The following MYT1L variants were observed in gnomAD, a reference collection of about 807,000 sequenced individuals.
The protein encoded by MYT1L is myelin transcription factor 1-like protein.
MYT1L carries 12 observed loss-of-function variants against 126.7 expected under a neutral mutation model. The observed-to-expected ratio is 0.09, with a 90% CI of 0.06 to 0.15. The LOEUF is 0.15. Among genes scored for constraint, MYT1L ranks in the 10% least tolerant of loss-of-function variants. The pLI is 1.00. For synonymous variants in MYT1L, 541 were observed against 604.2 expected, an observed-to-expected ratio of 0.90 and a Z score of 1.53; for missense variants, 979 against 1,585.2, an observed-to-expected ratio of 0.62 and a Z score of 6.49.
rs557027647 is a variant in MYT1L at position 2,129,775 on chromosome 2, G to A, written c.-304+43097C>T. Reference sequence around the variant, plus strand: ...CAAAAAATTAGCCAGGTGTGGTGGCGGGCGCCTGTAGTCCCAGCTACTCGG... The same window carrying A: ...CAAAAAATTAGCCAGGTGTGGTGGCAGGCGCCTGTAGTCCCAGCTACTCGG... On this transcript the variant is annotated intron_variant, in intron 3 of 24. Transcript: ENST00000647738. Among the ~76,000 whole-genome samples, 11 of 152,034 alleles carry A rather than the reference G, an allele frequency of 7.2e-5. No homozygotes were observed. In the South Asian group the frequency reaches 8.3e-4, roughly 11 times the overall value.
At chr2:2,226,213 C>G (rs938398595) in intron 2 of MYT1L, among the ~76,000 whole-genome samples, 1 of 152,166 alleles carries the variant, frequency 6.6e-6, no homozygotes, top group Non-Finnish European at 1.5e-5. Flanking sequence ...CCTAGTTGTG[C>G]GGCCTGCCAG....
rs1331914434 is a variant in MYT1L at position 1,889,862 on chromosome 2, A to T, written c.2284-385T>A. Among the ~76,000 whole-genome samples, 1 of 152,148 alleles carries T rather than the reference A, an allele frequency of 6.6e-6. No homozygotes were observed. Among genetic ancestry groups the T allele is most frequent in the African/African-American group, 2.4e-5 (1 of 41,420 alleles). Reference sequence around the variant, plus strand: ...AATTTTAATTTTATTACCGTTGCAAATACCTAAGAGATAAAAATTTTGTGT... The same window carrying T: ...AATTTTAATTTTATTACCGTTGCAATTACCTAAGAGATAAAAATTTTGTGT... On this transcript the variant is annotated intron_variant, in intron 15 of 24. Coordinates refer to ENST00000647738, the MANE Select transcript of MYT1L (RefSeq NM_001303052.2). This position sits in a 1 kb window ranked among gnomAD's most constrained non-coding sequence, Gnocchi z 4.1.
At chr2:2,322,365 G>A (rs1391915193) in intron 1 of MYT1L, among the ~76,000 whole-genome samples, 2 of 152,014 alleles carry the variant, frequency 1.3e-5, no homozygotes, top group African/African-American at 4.8e-5. Flanking sequence ...TGCCATGAAA[G>A]GCTGCTTTTC....
intron 9 of MYT1L, among the ~76,000 whole-genome samples, chr2:1,941,913 G>A (rs1431466932): frequency 6.6e-6 from 1 of 152,100 alleles, no homozygotes; most frequent in Admixed American, 6.5e-5. Flanking sequence ...AAGGAGGAGT[G>A]GTAATTTAAG....
At position 2,076,863 on chromosome 2, in the gene MYT1L, C is replaced by T. The variant is rs1478771983; in HGVS notation, c.-303-22740G>A. 2.6e-5 allele frequency among the ~76,000 whole-genome samples: 4 copies of T among 152,052 alleles called. No individual in the cohort carries two copies. The East Asian group carries it at 7.7e-4, about 29-fold the overall frequency. ...AACTGAAAATGTCCCTGAAAGGGCTCAGATTTGGGACTTGGTGAAGACTTT... is the reference window on the plus strand; with the variant it reads ...AACTGAAAATGTCCCTGAAAGGGCTTAGATTTGGGACTTGGTGAAGACTTT... On this transcript the variant is annotated intron_variant, in intron 3 of 24. Transcript: ENST00000647738.
At chr2:1,881,074 G>A (rs1416725016) in intron 18 of MYT1L, among the ~76,000 whole-genome samples, 2 of 152,196 alleles carry the variant, frequency 1.3e-5, no homozygotes, top group Non-Finnish European at 2.9e-5. Context: ...GTTAAAAGAA[G>A]TCAGATTCAG....
At chr2:2,290,800 A>T (rs1299311819) in intron 1 of MYT1L, among the ~76,000 whole-genome samples, 1 of 152,052 alleles carries the variant, frequency 6.6e-6, no homozygotes. Flanking sequence ...AGGCATCAGT[A>T]TTTTTTTTAA....
chr2:1,817,106 T>G (rs530994376), intron 21 of MYT1L: 35 of 152,380 alleles, frequency 2.3e-4, no homozygotes, highest in African/African-American at 8.4e-4. Context: ...AAGGCCCATT[T>G]TCTCATGACT....
chr2:1,804,120 GT>G (rs746564159), intron 22 of MYT1L, among the ~76,000 whole-genome samples: 3 of 152,022 alleles, frequency 2.0e-5, no homozygotes, highest in Non-Finnish European at 2.9e-5. Flanking sequence ...TTTTTTTGTT[GT>G]TGTTGTTTGT....
intron 4 of MYT1L, among the ~76,000 whole-genome samples, chr2:2,021,359 A>G (rs2065011663): frequency 6.6e-6 from 1 of 152,176 alleles, no homozygotes; most frequent in Non-Finnish European, 1.5e-5. Flanking sequence ...GTCCAGGCTG[A>G]TTTCTAGCAG....
chr2:1,830,871 C>G (rs1572645877), intron 21 of MYT1L, among the ~76,000 whole-genome samples: 1 of 152,302 alleles, frequency 6.6e-6, no homozygotes, highest in African/African-American at 2.4e-5. Context: ...TCCACAGCCC[C>G]TTGGTGGCTG....
rs114018403 is a variant in MYT1L at position 2,115,295 on chromosome 2, T to C, written c.-304+57577A>G. Among the ~76,000 whole-genome samples the C allele has an allele frequency of 4.9e-3, 747 of 152,352 alleles. 5 individuals are homozygous for C. The highest frequency in any genetic ancestry group is 0.017 in the African/African-American group (722 of 41,588). On this transcript the variant is annotated intron_variant, in intron 3 of 24. Transcript: ENST00000647738. ...CCACAAGGCCAGTGTTTTTACCAGT[T>C]TGTCCCCTGCTATATCTCCAGCACC... is the stretch of plus-strand genomic sequence containing the variant.
At chr2:1,913,941 G>A (rs1050745823) in intron 11 of MYT1L, among the ~76,000 whole-genome samples, 3 of 151,974 alleles carry the variant, frequency 2.0e-5, no homozygotes, top group East Asian at 1.9e-4. Context: ...TCTGTCTCTC[G>A]GCGTCAACAA....
intron 1 of MYT1L, among the ~76,000 whole-genome samples, chr2:2,296,752 A>G (rs1260582633): frequency 6.6e-6 from 1 of 152,102 alleles, no homozygotes. Context: ...TCTAGTAAAG[A>G]GAAGCTGGTG....
intron 4 of MYT1L, among the ~76,000 whole-genome samples, chr2:2,032,066 G>A (rs1486686034): frequency 1.4e-5 from 2 of 138,072 alleles, no homozygotes; most frequent in African/African-American, 5.8e-5. Flanking sequence ...GTGGCCCAGA[G>A]CAGATTCTAG....
At chr2:2,078,397 T>G (rs77069274) in intron 3 of MYT1L, among the ~76,000 whole-genome samples, 1 of 152,220 alleles carries the variant, frequency 6.6e-6, no homozygotes, top group East Asian at 1.9e-4. Flanking sequence ...AGAGAATAGA[T>G]TTGAAACAAA....
chr2:2,081,286 T>C (rs1388396259), intron 3 of MYT1L, among the ~76,000 whole-genome samples: 1 of 152,186 alleles, frequency 6.6e-6, no homozygotes, highest in Non-Finnish European at 1.5e-5. Context: ...CTCCTGTTAG[T>C]TGCATCTTCA....
intron 3 of MYT1L, among the ~76,000 whole-genome samples, chr2:2,162,982 A>T (rs1401164681): frequency 6.6e-6 from 1 of 151,818 alleles, no homozygotes; most frequent in Admixed American, 6.6e-5. Context: ...CCGCACTGAT[A>T]AAAGTAGAAG....
intron 18 of MYT1L, among the ~76,000 whole-genome samples, chr2:1,867,769 A>C (rs1226210901): frequency 6.6e-6 from 1 of 152,202 alleles, no homozygotes; most frequent in Non-Finnish European, 1.5e-5. Flanking sequence ...ATTAATGTGA[A>C]TATGTAGATG....
Sources: gnomAD v4.1 joint callset for allele counts (sites outside exome capture counted in the v4.1 genomes callset) on GRCh38, gnomAD v4.1.1 for gene constraint, Gnocchi (gnomAD v3.1) non-coding constraint, MANE v1.5 for transcripts, NCBI Gene and HGNC (gene_info 2026-07-23, HGNC 2026-07-21) for gene names.